The following POTEJ variants were observed in gnomAD, a reference collection of about 807,000 sequenced individuals.
The protein encoded by POTEJ is POTE ankyrin domain family, member J.
POTEJ carries 11 observed loss-of-function variants against 69.0 expected under a neutral mutation model. The observed-to-expected ratio is 0.16, with a 90% CI of 0.10 to 0.26. The LOEUF (loss-of-function observed/expected upper bound fraction) is 0.26, where lower values mean the gene tolerates loss of function less well. POTEJ is among the 10% of genes least tolerant of loss of function. The pLI is 1.00. For synonymous variants in POTEJ, 117 were observed against 381.1 expected, an observed-to-expected ratio of 0.31 and a Z score of 8.07; for missense variants, 327 against 1,045.5, an observed-to-expected ratio of 0.31 and a Z score of 9.48.
upstream of POTEJ, among the ~76,000 whole-genome samples, chr2:130,611,301 G>GT (rs1471817866): frequency 1.5e-5 from 2 of 131,410 alleles, no homozygotes; most frequent in African/African-American, 3.5e-5. Context: ...TGTTTTCTTG[G>GT]GGGGGGGGGG....
chr2:130,622,887 G>C (rs1242560227), intron 5 of POTEJ: 1 of 148,254 alleles, frequency 6.7e-6, no homozygotes, highest in Non-Finnish European at 1.5e-5. Flanking sequence ...TACGGGGAAA[G>C]TTAGCGTGGC....
chr2:130,654,544 G>T (rs1302569182), intron 13 of POTEJ, among the ~76,000 whole-genome samples: 54 of 143,384 alleles, frequency 3.8e-4, no homozygotes, highest in African/African-American at 1.4e-3. Flanking sequence ...ACCATCTTCC[G>T]TCACCCCCAA....
At chr2:130,640,770 G>T (rs1182705871) in intron 10 of POTEJ, among the ~76,000 whole-genome samples, 1 of 152,178 alleles carries the variant, frequency 6.6e-6, no homozygotes, top group Non-Finnish European at 1.5e-5. Flanking sequence ...TACCTGATTA[G>T]CTTAGAATAA....
At chr2:130,643,147 A>G (rs1305916405) in intron 10 of POTEJ, among the ~76,000 whole-genome samples, 2 of 146,266 alleles carry the variant, frequency 1.4e-5, no homozygotes, top group East Asian at 3.8e-4. Context: ...AAAAATCAGT[A>G]AAGTACTAAG....
Position 130,645,562 on chromosome 2 carries a change from C to G in POTEJ, c.1441-175C>G, listed in dbSNP as rs570598260. On this transcript the variant is annotated intron_variant, in intron 11 of 14. Transcript: ENST00000409602. ...CTAAACATAGATTAAAAAGTTAATT[C>G]TTAATTTTAATTATTATTTATTTAT... Among the ~76,000 whole-genome samples, 1,392 of 144,382 alleles carry G rather than the reference C, an allele frequency of 9.6e-3. 151 individuals carry two copies. Among genetic ancestry groups the G allele is most frequent in the Middle Eastern group, 0.036 (10 of 280 alleles). 94.7% of individuals were successfully genotyped at this position (144,382 alleles called of 152,430 possible). A position where few individuals can be genotyped will look rare whatever the true frequency, so the allele number is the denominator to read the frequency against.
chr2:130,626,854 C>A (rs1400641878), intron 6 of POTEJ, among the ~76,000 whole-genome samples: 2 of 152,142 alleles, frequency 1.3e-5, no homozygotes, highest in Admixed American at 6.5e-5. Flanking sequence ...ATGCTTTTTT[C>A]ATTTGTTTTG....
intron 13 of POTEJ, among the ~76,000 whole-genome samples, chr2:130,646,952 A>C (rs1176326212): frequency 1.3e-5 from 2 of 148,878 alleles, no homozygotes; most frequent in African/African-American, 5.2e-5. Context: ...TCACACACAC[A>C]TATATAACAG....
chr2:130,626,910 T>C (rs1280771801), intron 6 of POTEJ, among the ~76,000 whole-genome samples: 2 of 151,766 alleles, frequency 1.3e-5, no homozygotes, highest in African/African-American at 2.4e-5. Context: ...GTTGGCAGGC[T>C]TTTTTTTAAA....
rs759910073 is a variant in POTEJ, at chr2:130,624,148, T to C, written c.1015+14T>C. On this transcript the variant is annotated intron_variant, in intron 6 of 14. Transcript: ENST00000409602. Reference sequence around the variant, plus strand: ...ACAGCAATCCAGGTAAGACTTGTGATAGTGAATTACTTTAGTCAGTTGTCC... The same window carrying C: ...ACAGCAATCCAGGTAAGACTTGTGACAGTGAATTACTTTAGTCAGTTGTCC... The C allele has an allele frequency of 2.1e-6, 3 of 1,416,094 alleles. No homozygotes were observed. The highest frequency in any genetic ancestry group is 2.5e-5 in the East Asian group (1 of 40,332). 87.7% of individuals were successfully genotyped at this position (1,416,094 alleles called of 1,614,324 possible).
rs369158615 is a variant in POTEJ, at chr2:130,625,792, G to T, written c.1015+1658G>T. 2.0e-4 allele frequency among the ~76,000 whole-genome samples: 28 copies of T among 138,280 alleles called. No homozygotes were observed. The East Asian group carries it at 3.5e-3, about 17-fold the overall frequency. 90.7% of individuals were successfully genotyped at this position (138,280 alleles called of 152,430 possible). ...GGAGTGAGGTGAATACTTAGCTAAG[G>T]CAAGTTTATGATATACTTTTTAATA... On this transcript the variant is annotated intron_variant, in intron 6 of 14. Coordinates refer to ENST00000409602, the MANE Select transcript of POTEJ (RefSeq NM_001277083.2).
chr2:130,649,554 C>G (rs1356821240), intron 13 of POTEJ, among the ~76,000 whole-genome samples: 1 of 152,122 alleles, frequency 6.6e-6, no homozygotes, highest in African/African-American at 2.4e-5. Context: ...ATTCTTATCT[C>G]AGTGGATGTA....
intron 6 of POTEJ, among the ~76,000 whole-genome samples, chr2:130,625,707 G>A: frequency 7.0e-6 from 1 of 143,666 alleles, no homozygotes. Context: ...GAGTGAACAT[G>A]GCAGGGTTTC....
intron 9 of POTEJ, among the ~76,000 whole-genome samples, chr2:130,638,393 G>A (rs1385730399): frequency 2.0e-5 from 3 of 150,350 alleles, no homozygotes; most frequent in African/African-American, 7.3e-5. Flanking sequence ...TTAATTTACT[G>A]GGTCACAGTG....
intron 9 of POTEJ, 82 bp from the exon 10 acceptor site, chr2:130,638,537 T>C (rs1686195402): frequency 1.7e-6 from 1 of 594,706 alleles, no homozygotes; most frequent in Non-Finnish European, 3.0e-6. Context: ...TTGTTTGAAA[T>C]ACTCTAAGAA....
At chr2:130,618,519 G>A (rs1464752579) in intron 3 of POTEJ, among the ~76,000 whole-genome samples, 1 of 148,632 alleles carries the variant, frequency 6.7e-6, no homozygotes, top group Non-Finnish European at 1.5e-5. Context: ...TGGGAGGATT[G>A]CTTGAGCTCA....
chr2:130,644,341 G>T (rs902524501), intron 11 of POTEJ, among the ~76,000 whole-genome samples: 3 of 149,110 alleles, frequency 2.0e-5, no homozygotes, highest in Non-Finnish European at 4.5e-5. Flanking sequence ...GTGGTGGCGG[G>T]TGCCTGTAGT....
At chr2:130,655,862 T>G (rs1377060297) in intron 14 of POTEJ, among the ~76,000 whole-genome samples, 2 of 126,926 alleles carry the variant, frequency 1.6e-5, no homozygotes, top group East Asian at 4.1e-4. Flanking sequence ...CTGTGTATAT[T>G]TTTTGACCTC....
At chr2:130,613,463 G>T (rs989728919) in intron 1 of POTEJ, among the ~76,000 whole-genome samples, 1 of 142,044 alleles carries the variant, frequency 7.0e-6, no homozygotes, top group Non-Finnish European at 1.5e-5. Flanking sequence ...GTGCAGTGGT[G>T]TGATCTCGGC....
chr2:130,624,753 A>C (rs1458249808), intron 6 of POTEJ, among the ~76,000 whole-genome samples: 3 of 152,150 alleles, frequency 2.0e-5, no homozygotes, highest in South Asian at 4.1e-4. Flanking sequence ...ACAAAAGAAC[A>C]CTGAAGCACA....
Sources: gnomAD v4.1 joint callset for allele counts (sites outside exome capture counted in the v4.1 genomes callset) on GRCh38, gnomAD v4.1.1 for gene constraint, MANE v1.5 for transcripts, NCBI Gene and HGNC (gene_info 2026-07-23, HGNC 2026-07-21) for gene names.